Variants in RPS6KC1 observed in about 807,000 individuals in gnomAD.
RPS6KC1 encodes ribosomal protein S6 kinase C1.
RPS6KC1 carries 54 observed loss-of-function variants against 103.8 expected under a neutral mutation model. The ratio of observed to expected loss-of-function variants is 0.52; its 90% CI spans 0.42 to 0.65. RPS6KC1 has a LOEUF of 0.65. Ranked by LOEUF, RPS6KC1 falls within the 30% of genes least tolerant of loss-of-function variation. The pLI, the probability that RPS6KC1 is intolerant of heterozygous loss-of-function variation, is 0.00. For synonymous variants in RPS6KC1, 439 were observed against 438.7 expected, an observed-to-expected ratio of 1.00 and a Z score of -0.01; for missense variants, 1,151 against 1,253.8, an observed-to-expected ratio of 0.92 and a Z score of 1.24.
chr1:213,804,187 A>AC, the RPS6KC1 span, among the ~76,000 whole-genome samples: 1 of 150,076 alleles, frequency 6.7e-6, no homozygotes, highest in African/African-American at 2.4e-5. Flanking sequence ...AAAAAAAAAA[A>AC]AAAAAAAAAA....
chr1:213,670,717 C>T, the RPS6KC1 span, among the ~76,000 whole-genome samples: 1 of 152,292 alleles, frequency 6.6e-6, no homozygotes, highest in East Asian at 1.9e-4. Flanking sequence ...AGTGCACCTG[C>T]TCTTCTGATT....
the RPS6KC1 span, among the ~76,000 whole-genome samples, chr1:213,445,787 C>A: frequency 3.3e-5 from 5 of 152,180 alleles, no homozygotes; most frequent in Non-Finnish European, 7.3e-5. Flanking sequence ...CAGAATTTTG[C>A]TGCAGGCTGA....
At chr1:213,832,734 G>A in the RPS6KC1 span, 1 of 152,196 alleles carries the variant, frequency 6.6e-6, no homozygotes, top group Non-Finnish European at 1.5e-5. Context: ...CTTAGAAAAA[G>A]CATATTATTC....
the RPS6KC1 span, among the ~76,000 whole-genome samples, chr1:213,459,526 TA>T: frequency 2.0e-5 from 3 of 152,124 alleles, no homozygotes; most frequent in Middle Eastern, 3.4e-3. Flanking sequence ...GTTAATCTTT[TA>T]AAAAAAACCA....
intron 3 of RPS6KC1, among the ~76,000 whole-genome samples, chr1:213,081,808 A>G (rs759711622): frequency 2.6e-5 from 4 of 152,294 alleles, no homozygotes; most frequent in Middle Eastern, 3.4e-3. Context: ...AGCCTGCCAC[A>G]GCCATGTGAA....
the RPS6KC1 span, among the ~76,000 whole-genome samples, chr1:213,747,273 C>G: frequency 6.6e-6 from 1 of 152,014 alleles, no homozygotes; most frequent in Admixed American, 6.6e-5. Flanking sequence ...GCCAAGAGGT[C>G]AAGGAAGATG....
chr1:213,309,978 C>T, the RPS6KC1 span, among the ~76,000 whole-genome samples: 1 of 152,190 alleles, frequency 6.6e-6, no homozygotes, highest in East Asian at 1.9e-4. Context: ...AGCCACTGCG[C>T]CCAGCAGATT....
At chr1:213,205,539 TATATATAG>T (rs202105928) in intron 8 of RPS6KC1, 5,083 of 117,540 alleles carry the variant, frequency 0.043, 366 homozygotes, top group Middle Eastern at 0.066. Context: ...AACTCATTTA[TATATATAG>T]ATATATATAT....
chr1:213,393,992 A>G, the RPS6KC1 span, among the ~76,000 whole-genome samples: 183 of 152,288 alleles, frequency 1.2e-3, no homozygotes, highest in African/African-American at 4.3e-3. Context: ...GATTAGCCAC[A>G]GCCGAAGACA....
intron 5 of RPS6KC1, among the ~76,000 whole-genome samples, chr1:213,122,442 T>A (rs2084498951): frequency 6.6e-6 from 1 of 152,204 alleles, no homozygotes; most frequent in African/African-American, 2.4e-5. Context: ...AGATTTAAAC[T>A]TGACACTTTG....
chr1:213,492,124 C>T, the RPS6KC1 span, among the ~76,000 whole-genome samples: 12 of 152,154 alleles, frequency 7.9e-5, no homozygotes, highest in African/African-American at 1.7e-4. Context: ...AATAGGGGTT[C>T]GGCATGACAC....
chr1:213,088,659 GGCC>G, intron 3 of RPS6KC1, among the ~76,000 whole-genome samples: 1 of 152,206 alleles, frequency 6.6e-6, no homozygotes, highest in Non-Finnish European at 1.5e-5. Context: ...CACTGCGCCT[GGCC>G]TCATGGCTAA....
At chr1:213,797,458 T>G in the RPS6KC1 span, among the ~76,000 whole-genome samples, 1 of 152,124 alleles carries the variant, frequency 6.6e-6, no homozygotes, top group Non-Finnish European at 1.5e-5. Flanking sequence ...CATAGGAAGG[T>G]TCAAAGGAAG....
chr1:213,051,848 G>A (rs2076975748), intron 1 of RPS6KC1, among the ~76,000 whole-genome samples: 1 of 152,180 alleles, frequency 6.6e-6, no homozygotes, highest in South Asian at 2.1e-4. Context: ...CTTGCTCCAG[G>A]AAGATAATGC....
chr1:213,286,388 A>C, the RPS6KC1 span, among the ~76,000 whole-genome samples: 1 of 152,222 alleles, frequency 6.6e-6, no homozygotes, highest in African/African-American at 2.4e-5. Context: ...GATAACACAG[A>C]AACTATCAAA....
the RPS6KC1 span, among the ~76,000 whole-genome samples, chr1:213,465,410 C>A: frequency 2.0e-5 from 3 of 152,178 alleles, no homozygotes; most frequent in Non-Finnish European, 1.5e-5. Context: ...GGTTAAAGGG[C>A]ATACACATTT....
the RPS6KC1 span, among the ~76,000 whole-genome samples, chr1:213,421,406 C>A: frequency 2.6e-5 from 4 of 152,256 alleles, no homozygotes; most frequent in African/African-American, 9.6e-5. Flanking sequence ...AGCCACTGCG[C>A]CCGGCCCTCC....
At chr1:213,353,331 A>G in the RPS6KC1 span, among the ~76,000 whole-genome samples, 1 of 152,186 alleles carries the variant, frequency 6.6e-6, no homozygotes, top group Non-Finnish European at 1.5e-5. Flanking sequence ...TGTGTCAGGC[A>G]CTCTTCTAGC....
At chr1:213,403,923 T>C in the RPS6KC1 span, among the ~76,000 whole-genome samples, 2 of 152,208 alleles carry the variant, frequency 1.3e-5, no homozygotes, top group Non-Finnish European at 2.9e-5. Context: ...ACTGGATCTC[T>C]GTGTCTTAGT....
Sources: allele counts gnomAD v4.1 joint callset (sites outside exome capture counted in the v4.1 genomes callset), GRCh38; gene constraint gnomAD v4.1.1; transcripts MANE v1.5; gene names NCBI Gene and HGNC (gene_info 2026-07-23, HGNC 2026-07-21).